Variants in SPAG16 observed in about 807,000 individuals in gnomAD.
The protein encoded by SPAG16 is sperm associated antigen 16, also known as sperm-associated antigen 16 protein.
SPAG16 carries 86 observed loss-of-function variants against 80.4 expected under a neutral mutation model. The ratio of observed to expected loss-of-function variants is 1.07; its 90% CI spans 0.90 to 1.28. The LOEUF (loss-of-function observed/expected upper bound fraction) is 1.28. Ranked by LOEUF, SPAG16 falls within the 50% of genes most tolerant of loss-of-function variation. SPAG16 has a pLI of 0.00. For synonymous variants in SPAG16, 294 were observed against 265.9 expected, an observed-to-expected ratio of 1.11 and a Z score of -1.03; for missense variants, 870 against 765.3, an observed-to-expected ratio of 1.14 and a Z score of -1.61.
chr2:213,894,129 G>C (rs928017360), intron 11 of SPAG16, among the ~76,000 whole-genome samples: 1 of 152,060 alleles, frequency 6.6e-6, no homozygotes, highest in Admixed American at 6.6e-5. Flanking sequence ...CAGATTAAAG[G>C]CTATAAAGGA....
intron 10 of SPAG16, among the ~76,000 whole-genome samples, chr2:213,817,828 A>C (rs774551676): frequency 1.3e-5 from 2 of 152,108 alleles, no homozygotes; most frequent in Non-Finnish European, 2.9e-5. Context: ...GATGGGAAAG[A>C]GGGAGGTGGG....
chr2:213,804,781 A>G (rs1370674955), intron 10 of SPAG16, among the ~76,000 whole-genome samples: 3 of 152,190 alleles, frequency 2.0e-5, no homozygotes, highest in Non-Finnish European at 4.4e-5. Flanking sequence ...CGGGATGGTG[A>G]GAATAAGAAA....
At chr2:213,637,166 C>T in intron 10 of SPAG16, among the ~76,000 whole-genome samples, 1 of 152,108 alleles carries the variant, frequency 6.6e-6, no homozygotes, top group East Asian at 1.9e-4. Context: ...ATCATAAAGG[C>T]ATGCTGGATT....
At chr2:213,949,054 C>T (rs1448165579) in intron 12 of SPAG16, among the ~76,000 whole-genome samples, 1 of 151,028 alleles carries the variant, frequency 6.6e-6, no homozygotes, top group Non-Finnish European at 1.5e-5. Flanking sequence ...TTTCTTTTTA[C>T]AAACAGTAAT....
At chr2:213,976,247 T>C (rs984604887) in intron 12 of SPAG16, among the ~76,000 whole-genome samples, 4 of 150,430 alleles carry the variant, frequency 2.7e-5, no homozygotes, top group Non-Finnish European at 4.4e-5. Flanking sequence ...TGTGTATACA[T>C]ACGTGTATAT....
intron 13 of SPAG16, among the ~76,000 whole-genome samples, chr2:214,102,014 G>T (rs964552139): frequency 6.6e-6 from 1 of 151,710 alleles, no homozygotes; most frequent in Non-Finnish European, 1.5e-5. Context: ...GAATAAGAAA[G>T]TGCACGCATT....
At chr2:214,168,909 T>C (rs2056770833) in intron 15 of SPAG16, among the ~76,000 whole-genome samples, 1 of 152,136 alleles carries the variant, frequency 6.6e-6, no homozygotes, top group African/African-American at 2.4e-5. Context: ...CCTGAGCAAG[T>C]GTTGTTACTT....
chr2:213,914,243 G>C (rs985064639), intron 11 of SPAG16, among the ~76,000 whole-genome samples: 1 of 151,952 alleles, frequency 6.6e-6, no homozygotes, highest in Admixed American at 6.6e-5. Flanking sequence ...ACTATAGAAA[G>C]TTCATTGCAT....
At chr2:214,012,276 ATATATATATATATT>A (rs1361474313) in intron 12 of SPAG16, among the ~76,000 whole-genome samples, 4 of 46,340 alleles carry the variant, frequency 8.6e-5, no homozygotes, top group Non-Finnish European at 1.7e-4. Context: ...ATATATATAT[ATATATATATATATT>A]TTTTTTTTTT....
chr2:213,390,552 A>G (rs976511500), intron 9 of SPAG16, among the ~76,000 whole-genome samples: 4 of 152,170 alleles, frequency 2.6e-5, no homozygotes, highest in Non-Finnish European at 5.9e-5. Flanking sequence ...TCAAAGGTTA[A>G]AAGAAAAAAT....
At chr2:213,678,762 G>A (rs188276318) in intron 10 of SPAG16, among the ~76,000 whole-genome samples, 2 of 152,228 alleles carry the variant, frequency 1.3e-5, no homozygotes, top group East Asian at 3.9e-4. Context: ...ATCTGTGGAA[G>A]CCCAAGGACA....
At chr2:214,172,650 G>A (rs1181828983) in intron 15 of SPAG16, among the ~76,000 whole-genome samples, 1 of 151,996 alleles carries the variant, frequency 6.6e-6, no homozygotes, top group Non-Finnish European at 1.5e-5. Flanking sequence ...GGTATTTCTA[G>A]TTCTAGATCC....
At chr2:213,742,547 CTTTTTTTTTTT>C (rs35850810) in intron 10 of SPAG16, among the ~76,000 whole-genome samples, 1 of 24,812 alleles carries the variant, frequency 4.0e-5, no homozygotes, top group African/African-American at 6.4e-5. Context: ...TTGCTTATTT[CTTTTTTTTTTT>C]TTTTTTTTTT....
chr2:214,289,873 G>A lies in SPAG16; in HGVS notation c.1721-120267G>A, dbSNP rs573332492. Among the ~76,000 whole-genome samples, 7 of 152,244 alleles carry A rather than the reference G, an allele frequency of 4.6e-5. No homozygotes were observed. The South Asian group carries it at 1.4e-3, about 32-fold the overall frequency. Reference sequence around the variant, plus strand: ...ATCCATAAGCCTGGGATACTGAACTGTAGTTTTAGTTTGTTGTTGTGTCTT... The same window carrying A: ...ATCCATAAGCCTGGGATACTGAACTATAGTTTTAGTTTGTTGTTGTGTCTT... On this transcript the variant is annotated intron_variant, in intron 15 of 15. Coordinates refer to ENST00000331683, the MANE Select transcript of SPAG16 (RefSeq NM_024532.5).
intron 15 of SPAG16, among the ~76,000 whole-genome samples, chr2:214,180,971 C>T (rs2057292550): frequency 6.6e-6 from 1 of 151,492 alleles, no homozygotes; most frequent in African/African-American, 2.4e-5. Context: ...TTAAAGTTGC[C>T]CCCGATTGGT....
intron 9 of SPAG16, among the ~76,000 whole-genome samples, chr2:213,442,143 G>A (rs898911450): frequency 9.8e-4 from 146 of 149,266 alleles, no homozygotes; most frequent in African/African-American, 3.5e-3. Context: ...GTGAGACTCC[G>A]TCTCAAAAAA....
chr2:213,622,218 G>T (rs186588070), intron 10 of SPAG16, among the ~76,000 whole-genome samples: 1 of 152,072 alleles, frequency 6.6e-6, no homozygotes, highest in Non-Finnish European at 1.5e-5. Context: ...TGACTCTTAC[G>T]GTCTTAAAGT....
chr2:213,868,868 G>A (rs2075814427), intron 11 of SPAG16, among the ~76,000 whole-genome samples: 2 of 152,130 alleles, frequency 1.3e-5, no homozygotes, highest in African/African-American at 4.8e-5. Flanking sequence ...TCTCTTCACT[G>A]TACAGGCTAC....
At position 213,452,085 on chromosome 2, in the gene SPAG16, T is replaced by C. The variant is rs140835662; in HGVS notation, c.943-37878T>C. On this transcript the variant is annotated intron_variant, in intron 9 of 15. Coordinates refer to ENST00000331683, the MANE Select transcript of SPAG16 (RefSeq NM_024532.5). ...CCTATTGTTTGTATGTGAAGTTTGG[T>C]GATTACCCAGGACACTTCCAGCTCT... 3.8e-3 allele frequency among the ~76,000 whole-genome samples: 578 copies of C among 152,242 alleles called. 3 individuals are homozygous for C. The highest frequency in any genetic ancestry group is 0.013 in the African/African-American group (532 of 41,546).
Sources: allele counts gnomAD v4.1 joint callset (sites outside exome capture counted in the v4.1 genomes callset), GRCh38; gene constraint gnomAD v4.1.1; transcripts MANE v1.5; gene names NCBI Gene and HGNC (gene_info 2026-07-23, HGNC 2026-07-21).